MAGI2: variants seen among roughly 807,000 people sequenced by gnomAD.
MAGI2 encodes the protein membrane-associated guanylate kinase, WW and PDZ domain-containing protein 2.
MAGI2 carries 35 observed loss-of-function variants against 133.3 expected under a neutral mutation model. The observed-to-expected ratio is 0.26, with a 90% CI of 0.20 to 0.35. The LOEUF (loss-of-function observed/expected upper bound fraction) is 0.35. MAGI2 is among the 10% of genes least tolerant of loss of function. MAGI2 has a pLI of 1.00. For synonymous variants in MAGI2, 729 were observed against 710.6 expected (o/e 1.03, Z -0.41); for missense variants, 1,636 against 1,863.4 (o/e 0.88, Z 2.25).
intron 2 of MAGI2, among the ~76,000 whole-genome samples, chr7:78,877,696 A>C (rs1257519654): frequency 6.6e-6 from 1 of 152,176 alleles, no homozygotes; most frequent in Non-Finnish European, 1.5e-5. Context: ...AATAATAAAA[A>C]AATTAAAAAG....
chr7:79,375,291 G>T (rs1185624180), intron 1 of MAGI2, among the ~76,000 whole-genome samples: 1 of 151,904 alleles, frequency 6.6e-6, no homozygotes, highest in African/African-American at 2.4e-5. Flanking sequence ...TCTCTAGATT[G>T]TGCATTCAGC....
At chr7:78,733,953 G>T (rs1233808340) in intron 2 of MAGI2, among the ~76,000 whole-genome samples, 1 of 152,134 alleles carries the variant, frequency 6.6e-6, no homozygotes, top group Non-Finnish European at 1.5e-5. Flanking sequence ...AAATAGCAAA[G>T]AACAATAGTA....
At chr7:78,501,117 A>G (rs928458945) in intron 5 of MAGI2, among the ~76,000 whole-genome samples, 2 of 152,110 alleles carry the variant, frequency 1.3e-5, no homozygotes, top group Admixed American at 6.6e-5. Context: ...AACAAACAAC[A>G]TCAATATTTT....
intron 1 of MAGI2, among the ~76,000 whole-genome samples, chr7:79,302,981 T>G (rs956298061): frequency 5.9e-5 from 9 of 152,252 alleles, no homozygotes; most frequent in African/African-American, 2.2e-4. Context: ...TGAGTCATAC[T>G]GTTTAAACAT....
chr7:78,669,728 T>A (rs1814112095), intron 2 of MAGI2, among the ~76,000 whole-genome samples: 1 of 152,140 alleles, frequency 6.6e-6, no homozygotes, highest in African/African-American at 2.4e-5. Context: ...TCCACCATGA[T>A]CAAGTGGGCT....
At chr7:79,390,846 C>T (rs1383085410) in intron 1 of MAGI2, among the ~76,000 whole-genome samples, 1 of 152,178 alleles carries the variant, frequency 6.6e-6, no homozygotes, top group Non-Finnish European at 1.5e-5. Flanking sequence ...GTACTTCCAA[C>T]CTTTCCTCTC....
In MAGI2 at chr7:78,198,899, C is replaced by A. The variant is rs146723414; in HGVS notation, c.2079+2263G>T. ...CCTTTCCAGATGGAGAGAATGAGAA[C>A]TCACTATTTTAGCATATTACTTGTT... On this transcript the variant is annotated intron_variant, in intron 11 of 21. Transcript: ENST00000354212. 2.6e-5 allele frequency among the ~76,000 whole-genome samples: 4 copies of A among 152,290 alleles called. No homozygotes were observed. The East Asian group carries it at 7.7e-4, about 29-fold the overall frequency.
intron 1 of MAGI2, among the ~76,000 whole-genome samples, chr7:79,169,102 C>T (rs747076669): frequency 1.1e-4 from 16 of 151,882 alleles, no homozygotes; most frequent in Non-Finnish European, 1.8e-4. Context: ...TTGGCATCAG[C>T]AATATCACAA....
chr7:79,021,724 T>C (rs1366733035), intron 1 of MAGI2, among the ~76,000 whole-genome samples: 1 of 152,166 alleles, frequency 6.6e-6, no homozygotes, highest in Non-Finnish European at 1.5e-5. Flanking sequence ...ACTTGAGCTT[T>C]TGGGCTAATG....
intron 2 of MAGI2, among the ~76,000 whole-genome samples, chr7:78,920,952 A>C (rs754427280): frequency 1.3e-5 from 2 of 152,190 alleles, no homozygotes; most frequent in Non-Finnish European, 2.9e-5. Context: ...TCTCCTTGTG[A>C]GGTGTACCTG....
At chr7:78,168,856 C>T (rs1395326527) in intron 14 of MAGI2, among the ~76,000 whole-genome samples, 1 of 152,152 alleles carries the variant, frequency 6.6e-6, no homozygotes, top group East Asian at 1.9e-4. Context: ...GAAAACAAAA[C>T]AAAACAAAGC....
intron 2 of MAGI2, among the ~76,000 whole-genome samples, chr7:78,779,098 C>T (rs1366358321): frequency 6.6e-6 from 1 of 151,886 alleles, no homozygotes; most frequent in Non-Finnish European, 1.5e-5. Flanking sequence ...TTAGTAGAGG[C>T]GGAGTTTCAA....
At chr7:78,683,828 C>T in intron 2 of MAGI2, among the ~76,000 whole-genome samples, 1 of 152,162 alleles carries the variant, frequency 6.6e-6, no homozygotes, top group Non-Finnish European at 1.5e-5. Flanking sequence ...GTTTCTGTCT[C>T]TTTGGTGGAG....
Position 78,272,841 on chromosome 7 carries a change from C to T in MAGI2, c.1409-16260G>A, listed in dbSNP as rs142657293. Among the ~76,000 whole-genome samples the T allele has an allele frequency of 2.1e-3, 327 of 152,228 alleles. 6 individuals are homozygous for T. Among genetic ancestry groups the T allele is most frequent in the Admixed American group, 0.018 (272 of 15,294 alleles). On this transcript the variant is annotated intron_variant, in intron 9 of 21. Transcript: ENST00000354212. ...TTTTGAGTCTATGTGTGTCTTTGCACGTGAGATGGGTCTACTGAATATAGC... is the reference window on the plus strand; with the variant it reads ...TTTTGAGTCTATGTGTGTCTTTGCATGTGAGATGGGTCTACTGAATATAGC...
At position 79,066,262 on chromosome 7, in the gene MAGI2, G is replaced by A. The variant is rs1361294546; in HGVS notation, c.302-59056C>T. On this transcript the variant is annotated intron_variant, in intron 1 of 21. Transcript: ENST00000354212. ...TATAATGGTTGCCATTCTAACCAGT[G>A]TGAGATGATATCTCAGTGTGGTGTT... Among the ~76,000 whole-genome samples the A allele has an allele frequency of 3.3e-5, 5 of 150,138 alleles. No individual in the cohort carries two copies. The South Asian group carries it at 1.0e-3, about 31-fold the overall frequency.
intron 21 of MAGI2, among the ~76,000 whole-genome samples, chr7:78,073,532 C>T (rs891059987): frequency 1.3e-5 from 2 of 152,110 alleles, no homozygotes; most frequent in Admixed American, 1.3e-4. Context: ...AAAGCATGTT[C>T]CTATTATATT....
At chr7:79,158,077 A>G (rs1823992816) in intron 1 of MAGI2, among the ~76,000 whole-genome samples, 2 of 151,876 alleles carry the variant, frequency 1.3e-5, no homozygotes, top group Admixed American at 6.6e-5. Flanking sequence ...TCTCCATACC[A>G]TATGATATAA....
intron 2 of MAGI2, among the ~76,000 whole-genome samples, chr7:78,899,268 T>C (rs1797430588): frequency 6.6e-6 from 1 of 152,206 alleles, no homozygotes; most frequent in South Asian, 2.1e-4. Context: ...ATAGGCATTA[T>C]AAAGGAGAGT....
chr7:78,838,735 A>T (rs117624966), intron 2 of MAGI2, among the ~76,000 whole-genome samples: 1 of 152,080 alleles, frequency 6.6e-6, no homozygotes, highest in Non-Finnish European at 1.5e-5. Flanking sequence ...TACAATTAAA[A>T]TAATAACAGA....
Sources: gnomAD v4.1 joint callset for allele counts (sites outside exome capture counted in the v4.1 genomes callset) on GRCh38, gnomAD v4.1.1 for gene constraint, MANE v1.5 for transcripts, NCBI Gene and HGNC (gene_info 2026-07-23, HGNC 2026-07-21) for gene names.